Variants in GRIK1 observed in about 807,000 individuals in gnomAD.
GRIK1 encodes glutamate ionotropic receptor kainate type subunit 1, also known as glutamate receptor ionotropic, kainate 1.
Under a neutral mutation model 105.7 loss-of-function variants are expected in GRIK1, and 69 were observed. The ratio of observed to expected loss-of-function variants is 0.65; its 90% confidence interval spans 0.54 to 0.80. The LOEUF is 0.80. Among genes scored for constraint, GRIK1 ranks in the 30% least tolerant of loss-of-function variants. The pLI is 0.00. For missense variants in GRIK1, 1,109 were observed against 1,167.3 expected (o/e 0.95, Z 0.73); for synonymous variants, 438 against 431.3 (o/e 1.02, Z -0.19).
intron 3 of GRIK1, among the ~76,000 whole-genome samples, chr21:29,689,464 A>C (rs555095246): frequency 6.6e-6 from 1 of 152,250 alleles, no homozygotes; most frequent in Non-Finnish European, 1.5e-5. Flanking sequence ...ATTGGATTAT[A>C]ACATATACTG....
intron 1 of GRIK1, among the ~76,000 whole-genome samples, chr21:29,801,428 A>G (rs1242428328): frequency 1.3e-5 from 2 of 152,050 alleles, no homozygotes; most frequent in East Asian, 3.9e-4. Context: ...AAATACCCAA[A>G]CTGAATTCAG....
chr21:29,888,200 TCTCTCTC>T (rs2069736198), intron 1 of GRIK1, among the ~76,000 whole-genome samples: 5 of 31,594 alleles, frequency 1.6e-4, no homozygotes, highest in Non-Finnish European at 3.0e-4. Flanking sequence ...TTTCTTTCTC[TCTCTCTC>T]TCTCTCTCTC....
intron 7 of GRIK1, among the ~76,000 whole-genome samples, chr21:29,624,316 T>A (rs2062072873): frequency 6.6e-6 from 1 of 152,310 alleles, no homozygotes; most frequent in East Asian, 1.9e-4. Context: ...CTTGAGTGAA[T>A]CTAGATTTAG....
intron 7 of GRIK1, among the ~76,000 whole-genome samples, chr21:29,633,009 G>A (rs1312014844): frequency 6.6e-6 from 1 of 152,234 alleles, no homozygotes; most frequent in African/African-American, 2.4e-5. Flanking sequence ...AAGAGGTGGG[G>A]CCTTTAGGAA....
intron 14 of GRIK1, among the ~76,000 whole-genome samples, chr21:29,565,389 G>T (rs749414147): frequency 2.0e-5 from 3 of 152,214 alleles, no homozygotes; most frequent in Non-Finnish European, 4.4e-5. Flanking sequence ...TTAATAGGTA[G>T]AAATATCTGC....
chr21:29,820,716 G>T (rs181965475), intron 1 of GRIK1, among the ~76,000 whole-genome samples: 1 of 151,972 alleles, frequency 6.6e-6, no homozygotes, highest in East Asian at 1.9e-4. Flanking sequence ...TTTGAAAAGG[G>T]GAGAATAATA....
intron 1 of GRIK1, among the ~76,000 whole-genome samples, chr21:29,822,898 C>A (rs1406812785): frequency 6.6e-6 from 1 of 151,936 alleles, no homozygotes; most frequent in Non-Finnish European, 1.5e-5. Context: ...ATGCAATGAC[C>A]AGGTATCAAG....
intron 7 of GRIK1, among the ~76,000 whole-genome samples, chr21:29,614,887 T>C (rs2061812190): frequency 6.6e-6 from 1 of 151,476 alleles, no homozygotes; most frequent in Non-Finnish European, 1.5e-5. Flanking sequence ...GTACTCTCTC[T>C]CCCTAAAAAT....
intron 1 of GRIK1, among the ~76,000 whole-genome samples, chr21:29,887,403 T>C (rs771557646): frequency 1.9e-4 from 29 of 152,302 alleles, no homozygotes; most frequent in Non-Finnish European, 2.9e-4. Context: ...GAGGAAACAT[T>C]GAGCTCTTCT....
At chr21:29,575,341 A>G (rs76747957) in intron 14 of GRIK1, among the ~76,000 whole-genome samples, 10,729 of 152,138 alleles carry the variant, frequency 0.071, 730 homozygotes, top group African/African-American at 0.18. Context: ...CAGGGCTGAC[A>G]GATGAGAAAT....
chr21:29,679,781 A>C (rs2063337466), intron 3 of GRIK1, among the ~76,000 whole-genome samples: 1 of 152,182 alleles, frequency 6.6e-6, no homozygotes, highest in African/African-American at 2.4e-5. Flanking sequence ...TTTGATCTAC[A>C]GGTATGAATT....
intron 1 of GRIK1, among the ~76,000 whole-genome samples, chr21:29,756,254 G>A (rs1166616718): frequency 6.6e-6 from 1 of 151,842 alleles, no homozygotes; most frequent in Non-Finnish European, 1.5e-5. Flanking sequence ...AGTGGCGGGC[G>A]CCTGCAGCCC....
chr21:29,799,979 T>TA (rs1343630130), intron 1 of GRIK1, among the ~76,000 whole-genome samples: 32 of 152,372 alleles, frequency 2.1e-4, no homozygotes, highest in African/African-American at 7.5e-4. Context: ...AAAATTTATT[T>TA]AATCATAAGA....
chr21:29,906,295 A>T (rs954635255), intron 1 of GRIK1, among the ~76,000 whole-genome samples: 1 of 152,246 alleles, frequency 6.6e-6, no homozygotes, highest in African/African-American at 2.4e-5. Flanking sequence ...CAGCTGAGAA[A>T]GCTATATATT....
At chr21:29,872,888 G>T (rs546683679) in intron 1 of GRIK1, among the ~76,000 whole-genome samples, 23 of 152,182 alleles carry the variant, frequency 1.5e-4, no homozygotes, top group Non-Finnish European at 2.8e-4. Context: ...TGAGATTTGG[G>T]TGGGGATGCA....
At position 29,689,883 on chromosome 21, in the gene GRIK1, T is replaced by G. The variant is rs2063554221; in HGVS notation, c.389A>C (p.His130Pro). 2 of 1,613,796 alleles carry G rather than the reference T, an allele frequency of 1.2e-6. No homozygotes were observed. Among genetic ancestry groups the G allele is most frequent in the Admixed American group, 1.7e-5 (1 of 59,996 alleles). Residue 130 changes from histidine to proline, a missense_variant, in exon 3 of 18, where the codon CAC becomes CCC. This residue lies in a region of GRIK1 where 612 missense variants were observed against 586.0 expected (regional missense o/e 1.04). Transcript: ENST00000327783. The part of the protein sequence containing the change: ...QSICNALEVP[H>P]IQTRWKHPSV... Reference sequence around the variant, plus strand: ...GGGGTGTTTCCAGCGGGTCTGTATGTGTGGAACTTCGAGAGCATTGCAAAT... The same window carrying G: ...GGGGTGTTTCCAGCGGGTCTGTATGGGTGGAACTTCGAGAGCATTGCAAAT...
chr21:29,727,600 G>A (rs1270456050), intron 1 of GRIK1, among the ~76,000 whole-genome samples: 1 of 152,174 alleles, frequency 6.6e-6, no homozygotes, highest in South Asian at 2.1e-4. Context: ...GCAGGCGAAA[G>A]TTAAGGGAAT....
chr21:29,873,552 G>A (rs1430523232), intron 1 of GRIK1, among the ~76,000 whole-genome samples: 2 of 152,154 alleles, frequency 1.3e-5, no homozygotes, highest in Non-Finnish European at 2.9e-5. Flanking sequence ...CCGGCACAAA[G>A]AAAATTCCTA....
chr21:29,874,793 CA>C (rs1037698832), intron 1 of GRIK1, among the ~76,000 whole-genome samples: 2 of 152,092 alleles, frequency 1.3e-5, no homozygotes, highest in African/African-American at 4.8e-5. Context: ...AATAAAGCTC[CA>C]AATGGAGAGA....
Sources: allele counts gnomAD v4.1 joint callset (sites outside exome capture counted in the v4.1 genomes callset), GRCh38; gene constraint gnomAD v4.1.1; regional missense constraint gnomAD v4.1.1; transcripts MANE v1.5; gene names NCBI Gene and HGNC (gene_info 2026-07-23, HGNC 2026-07-21).